DGKI: variants seen among roughly 807,000 people sequenced by gnomAD.
DGKI encodes diacylglycerol kinase iota.
Under a neutral mutation model 147.5 loss-of-function variants are expected in DGKI, and 55 were observed. That is an observed-to-expected ratio of 0.37 (90% CI 0.30 to 0.47). DGKI has a LOEUF of 0.47. DGKI is among the 20% of genes least tolerant of loss of function. The pLI, the probability that DGKI is intolerant of heterozygous loss-of-function variation, is 1.00. For missense variants in DGKI, 1,007 were observed against 1,323.8 expected, an observed-to-expected ratio of 0.76 and a Z score of 3.71; for synonymous variants, 469 against 477.1, an observed-to-expected ratio of 0.98 and a Z score of 0.22.
intron 6 of DGKI, among the ~76,000 whole-genome samples, chr7:137,631,822 G>C (rs1470413814): frequency 2.0e-5 from 3 of 152,174 alleles, no homozygotes; most frequent in South Asian, 4.1e-4. Context: ...AACTAGGCAG[G>C]CTAAAGCTGC....
chr7:137,587,657 G>T (rs191569135), intron 12 of DGKI, among the ~76,000 whole-genome samples: 1 of 152,068 alleles, frequency 6.6e-6, no homozygotes, highest in Non-Finnish European at 1.5e-5. Flanking sequence ...ATAATAATAC[G>T]TACCTCACAC....
At chr7:137,828,412 A>G (rs964960829) in intron 1 of DGKI, among the ~76,000 whole-genome samples, 3 of 152,190 alleles carry the variant, frequency 2.0e-5, no homozygotes, top group African/African-American at 7.2e-5. Flanking sequence ...GAAAACCCCA[A>G]TGTTCTCCCA....
In DGKI at chr7:137,752,265, C is replaced by CA. The variant is rs3839667; in HGVS notation, c.402-62264dup. The stretch of plus-strand genomic sequence containing the variant: ...CTGAGAAATAGCAAAATCAACAATA[C>CA]AAAAAAAAAAAGTCAGATCTCACAA... On this transcript the variant is annotated intron_variant, in intron 1 of 32. Transcript: ENST00000614521. Among the ~76,000 whole-genome samples, 1,315 of 142,128 alleles carry CA rather than the reference C, an allele frequency of 9.3e-3. 22 individuals carry two copies. Among genetic ancestry groups the CA allele is most frequent in the African/African-American group, 0.03 (1,180 of 39,076 alleles). 93.2% of individuals were successfully genotyped at this position (142,128 alleles called of 152,430 possible).
chr7:137,465,206 T>C (rs772139369), intron 26 of DGKI, among the ~76,000 whole-genome samples: 9 of 152,196 alleles, frequency 5.9e-5, no homozygotes, highest in Non-Finnish European at 1.3e-4. Context: ...TTTTAATCTA[T>C]GAATTAAGGA....
At chr7:137,420,956 T>A (rs1812544718) in intron 28 of DGKI, among the ~76,000 whole-genome samples, 1 of 151,760 alleles carries the variant, frequency 6.6e-6, no homozygotes, top group Non-Finnish European at 1.5e-5. Flanking sequence ...GAGGCGGAGG[T>A]TGCAGTGAGC....
chr7:137,571,935 C>T (rs1362965077), intron 18 of DGKI, among the ~76,000 whole-genome samples: 1 of 152,158 alleles, frequency 6.6e-6, no homozygotes, highest in African/African-American at 2.4e-5. Flanking sequence ...ATAAACAATG[C>T]TTTCTGAGAA....
At chr7:137,551,778 A>G (rs969259525) in intron 20 of DGKI, among the ~76,000 whole-genome samples, 1 of 152,224 alleles carries the variant, frequency 6.6e-6, no homozygotes, top group African/African-American at 2.4e-5. Context: ...AGGGGTAGAA[A>G]GAGTGGGTCA....
intron 1 of DGKI, among the ~76,000 whole-genome samples, chr7:137,745,205 C>A (rs1218029550): frequency 2.0e-5 from 3 of 152,176 alleles, no homozygotes; most frequent in Non-Finnish European, 4.4e-5. Flanking sequence ...TTGTTAGATA[C>A]AAACTAGCCG....
chr7:137,629,591 C>G (rs10255024), intron 6 of DGKI, among the ~76,000 whole-genome samples: 10 of 152,290 alleles, frequency 6.6e-5, no homozygotes, highest in Non-Finnish European at 1.5e-4. Flanking sequence ...ACCAACCTAA[C>G]TGAAAACTTT....
chr7:137,454,391 T>C (rs569676350), intron 27 of DGKI, among the ~76,000 whole-genome samples: 13 of 152,314 alleles, frequency 8.5e-5, no homozygotes, highest in African/African-American at 3.1e-4. Context: ...TACTGCCACC[T>C]ACTGTTAACT....
rs148816773 is a variant in DGKI, at chr7:137,571,019, T to C, written c.1947+156A>G. Among the ~76,000 whole-genome samples the C allele has an allele frequency of 2.0e-4, 31 of 152,376 alleles. No homozygotes were observed. In the East Asian group the frequency reaches 6.0e-3, roughly 29 times the overall value. On this transcript the variant is annotated intron_variant, in intron 19 of 32. Transcript: ENST00000614521. ...GCATCAGTTTTCTTAGTGACATAAATGATGATTTTTTTTCTTGTTTTTCCT... is the reference window on the plus strand; with the variant it reads ...GCATCAGTTTTCTTAGTGACATAAACGATGATTTTTTTTCTTGTTTTTCCT...
intron 19 of DGKI, among the ~76,000 whole-genome samples, chr7:137,563,821 G>A (rs189467383): frequency 1.9e-3 from 295 of 152,158 alleles, no homozygotes; most frequent in African/African-American, 6.9e-3. Context: ...AATATACCAT[G>A]TTCATGGATT....
At chr7:137,776,797 TG>T (rs1796375744) in intron 1 of DGKI, among the ~76,000 whole-genome samples, 1 of 152,014 alleles carries the variant, frequency 6.6e-6, no homozygotes, top group South Asian at 2.1e-4. Flanking sequence ...CAGGTGTATG[TG>T]GGAGAGGCTC....
intron 1 of DGKI, among the ~76,000 whole-genome samples, chr7:137,769,973 G>A (rs1323524835): frequency 6.6e-6 from 1 of 152,166 alleles, no homozygotes; most frequent in East Asian, 1.9e-4. Flanking sequence ...CCATTACTGG[G>A]TATATACCCA....
intron 1 of DGKI, among the ~76,000 whole-genome samples, chr7:137,704,410 T>G (rs185043137): frequency 2.0e-5 from 3 of 152,164 alleles, no homozygotes; most frequent in African/African-American, 7.2e-5. Context: ...AGATTGAAGC[T>G]GATAGTTGAA....
chr7:137,800,483 A>T (rs1050167791), intron 1 of DGKI, among the ~76,000 whole-genome samples: 1 of 152,084 alleles, frequency 6.6e-6, no homozygotes, highest in Non-Finnish European at 1.5e-5. Flanking sequence ...CATGTGAGAC[A>T]CCTGCTCCCT....
rs190766141 is a variant in DGKI at position 137,522,262 on chromosome 7, C to T, written c.2148-296G>A. On this transcript the variant is annotated intron_variant, in intron 20 of 32. Coordinates refer to ENST00000614521, the MANE Select transcript of DGKI (RefSeq NM_001321708.2). Reference sequence around the variant, plus strand: ...TTAAAACATTTAATAAGATCATGTGCTTGTTACATAATAAATTAGATTCAG... The same window carrying T: ...TTAAAACATTTAATAAGATCATGTGTTTGTTACATAATAAATTAGATTCAG... Among the ~76,000 whole-genome samples, 276 of 152,132 alleles carry T rather than the reference C, an allele frequency of 1.8e-3. 1 individual carries two copies. Among genetic ancestry groups the T allele is most frequent in the South Asian group, 6.2e-4 (3 of 4,810 alleles).
At chr7:137,641,706 T>G (rs988580644) in intron 6 of DGKI, among the ~76,000 whole-genome samples, 1 of 152,228 alleles carries the variant, frequency 6.6e-6, no homozygotes, top group African/African-American at 2.4e-5. Context: ...ATAAGGGATA[T>G]TCAATGTGTA....
chr7:137,811,407 C>G (rs1029638323), intron 1 of DGKI, among the ~76,000 whole-genome samples: 1 of 151,794 alleles, frequency 6.6e-6, no homozygotes, highest in Non-Finnish European at 1.5e-5. Context: ...CACACACACA[C>G]ACACACACAC....
Sources: allele counts gnomAD v4.1 joint callset (sites outside exome capture counted in the v4.1 genomes callset), GRCh38; gene constraint gnomAD v4.1.1; transcripts MANE v1.5; gene names NCBI Gene and HGNC (gene_info 2026-07-23, HGNC 2026-07-21).